The following C12orf42 variants were observed in gnomAD, a reference collection of about 807,000 sequenced individuals.
The protein encoded by C12orf42 is chromosome 12 open reading frame 42.
Under a neutral mutation model 21.6 loss-of-function variants are expected in C12orf42, and 25 were observed. The observed-to-expected ratio is 1.16, with a 90% CI of 0.84 to 1.62. C12orf42 has a LOEUF of 1.62. Ranked by LOEUF, C12orf42 falls within the 40% of genes most tolerant of loss-of-function variation. C12orf42 has a pLI of 0.00. For synonymous variants in C12orf42, 174 were observed against 175.0 expected (o/e 0.99, Z 0.05); for missense variants, 483 against 459.3 (o/e 1.05, Z -0.47).
At chr12:103,210,034 C>A in the C12orf42 span, among the ~76,000 whole-genome samples, 1 of 151,912 alleles carries the variant, frequency 6.6e-6, no homozygotes, top group East Asian at 1.9e-4. Flanking sequence ...TTCCTGGCAT[C>A]TTAGCTGTTT....
chr12:103,481,299 T>C (rs1284149596), intron 1 of C12orf42, among the ~76,000 whole-genome samples: 1 of 151,894 alleles, frequency 6.6e-6, no homozygotes, highest in East Asian at 1.9e-4. Flanking sequence ...TTAGTTACTC[T>C]GTTCTATCAT....
the C12orf42 span, among the ~76,000 whole-genome samples, chr12:103,062,793 G>GA: frequency 3.3e-5 from 5 of 151,734 alleles, no homozygotes; most frequent in Admixed American, 1.3e-4. Flanking sequence ...ATTAATTTTG[G>GA]ATTTTTTTTT....
At chr12:103,555,433 G>A in the C12orf42 span, among the ~76,000 whole-genome samples, 10 of 152,100 alleles carry the variant, frequency 6.6e-5, no homozygotes, top group East Asian at 3.9e-4. Flanking sequence ...ACCTCCCACC[G>A]GGTCTCCTAC....
At chr12:103,105,699 A>AC in the C12orf42 span, among the ~76,000 whole-genome samples, 547 of 152,346 alleles carry the variant, frequency 3.6e-3, 1 homozygote, top group African/African-American at 0.012. Flanking sequence ...CAGACAGTAG[A>AC]TTAGAAGAAA....
chr12:103,057,562 T>G, the C12orf42 span, among the ~76,000 whole-genome samples: 1 of 152,230 alleles, frequency 6.6e-6, no homozygotes, highest in African/African-American at 2.4e-5. Context: ...TAGTATTTCA[T>G]GGTGTATATT....
At chr12:103,466,685 AGTCATTCACCT>A (rs1346517102) in intron 2 of C12orf42, among the ~76,000 whole-genome samples, 1 of 152,126 alleles carries the variant, frequency 6.6e-6, no homozygotes, top group Non-Finnish European at 1.5e-5. Context: ...TTAGGGCTGG[AGTCATTCACCT>A]GTCTCTGCAT....
At chr12:103,118,296 A>T in the C12orf42 span, among the ~76,000 whole-genome samples, 1 of 152,200 alleles carries the variant, frequency 6.6e-6, no homozygotes, top group Non-Finnish European at 1.5e-5. Context: ...TGAAGAATGA[A>T]TGAATGAAAC....
At chr12:103,360,143 G>C (rs998907666) in intron 4 of C12orf42, among the ~76,000 whole-genome samples, 14 of 147,866 alleles carry the variant, frequency 9.5e-5, no homozygotes, top group African/African-American at 3.0e-4. Context: ...CATGCAACTT[G>C]ATCATATCTA....
the C12orf42 span, among the ~76,000 whole-genome samples, chr12:103,534,903 A>C: frequency 6.6e-6 from 1 of 152,236 alleles, no homozygotes; most frequent in Non-Finnish European, 1.5e-5. Flanking sequence ...GTTTGCTTGC[A>C]ACCCAATAAG....
the C12orf42 span, among the ~76,000 whole-genome samples, chr12:103,207,044 T>C: frequency 6.6e-6 from 1 of 152,132 alleles, no homozygotes; most frequent in East Asian, 1.9e-4. Flanking sequence ...GGTAGCTCTG[T>C]GGCATGCTTT....
intron 4 of C12orf42, among the ~76,000 whole-genome samples, chr12:103,322,117 GCGCGCGCGCA>G (rs1566077672): frequency 8.9e-6 from 1 of 112,298 alleles, no homozygotes; most frequent in East Asian, 3.2e-4. Flanking sequence ...GTGCGTGCGC[GCGCGCGCGCA>G]CACACACACA....
At chr12:103,472,920 C>A (rs1953742253) in intron 2 of C12orf42, among the ~76,000 whole-genome samples, 1 of 152,152 alleles carries the variant, frequency 6.6e-6, no homozygotes, top group Non-Finnish European at 1.5e-5. Flanking sequence ...CCAGGGCACA[C>A]ATATTCAAAA....
the C12orf42 span, chr12:103,558,403 T>A: frequency 1.3e-5 from 2 of 152,264 alleles, no homozygotes; most frequent in African/African-American, 2.4e-5. Context: ...GGAACCTTAA[T>A]GTCCTCTCTG....
chr12:103,465,861 G>C (rs908202699), intron 2 of C12orf42, among the ~76,000 whole-genome samples: 1 of 152,142 alleles, frequency 6.6e-6, no homozygotes, highest in Non-Finnish European at 1.5e-5. Context: ...TAATCATGTG[G>C]TTTTTGTCTT....
the C12orf42 span, among the ~76,000 whole-genome samples, chr12:103,230,619 T>C: frequency 4.6e-5 from 7 of 152,220 alleles, no homozygotes; most frequent in Non-Finnish European, 8.8e-5. Flanking sequence ...CAAGGCCTCT[T>C]GTCTGACCCC....
At chr12:103,561,607 G>A in the C12orf42 span, among the ~76,000 whole-genome samples, 1 of 152,162 alleles carries the variant, frequency 6.6e-6, no homozygotes, top group Non-Finnish European at 1.5e-5. Context: ...CCCATCAAGG[G>A]TTAGGATTTC....
intron 4 of C12orf42, among the ~76,000 whole-genome samples, chr12:103,335,528 G>A (rs139333107): frequency 0.015 from 2,242 of 152,214 alleles, 21 homozygotes; most frequent in Middle Eastern, 0.037. Flanking sequence ...CTATTTTTGC[G>A]TTTTCTGGAA....
At chr12:103,459,477 C>T (rs1347048816) in intron 2 of C12orf42, among the ~76,000 whole-genome samples, 1 of 152,086 alleles carries the variant, frequency 6.6e-6, no homozygotes, top group Non-Finnish European at 1.5e-5. Context: ...TGCTCTTGCT[C>T]CCACTCTCAC....
chr12:103,112,083 A>G, the C12orf42 span, among the ~76,000 whole-genome samples: 1 of 152,168 alleles, frequency 6.6e-6, no homozygotes, highest in Non-Finnish European at 1.5e-5. Context: ...ATAATGCCCA[A>G]CTTAAATTTC....
Sources: gnomAD v4.1 joint callset for allele counts (sites outside exome capture counted in the v4.1 genomes callset) on GRCh38, gnomAD v4.1.1 for gene constraint, MANE v1.5 for transcripts, NCBI Gene and HGNC (gene_info 2026-07-23, HGNC 2026-07-21) for gene names.